Variants in IL12RB1 observed in about 807,000 individuals in gnomAD.
IL12RB1 encodes interleukin-12 receptor subunit beta-1.
A neutral mutation model predicts 94.4 loss-of-function variants in IL12RB1; 64 were observed. The observed-to-expected ratio is 0.68, with a 90% CI of 0.55 to 0.83. IL12RB1 has a LOEUF of 0.83. Among genes scored for constraint, IL12RB1 ranks in the 40% least tolerant of loss-of-function variants. The pLI is 0.00. For synonymous variants in IL12RB1, 362 were observed against 355.5 expected, an observed-to-expected ratio of 1.02 and a Z score of -0.21; for missense variants, 814 against 855.6, an observed-to-expected ratio of 0.95 and a Z score of 0.61.
intron 14 of IL12RB1, among the ~76,000 whole-genome samples, chr19:18,061,782 G>C (rs1029057836): frequency 5.9e-5 from 9 of 151,916 alleles, no homozygotes; most frequent in African/African-American, 1.9e-4. Flanking sequence ...AGAATGGCTT[G>C]AACCCGGGAG....
intron 10 of IL12RB1, 108 bp from the exon 11 acceptor site, chr19:18,068,634 T>G: frequency 1.1e-6 from 1 of 879,562 alleles, no homozygotes; most frequent in South Asian, 1.4e-5. Context: ...CTCCTACTCA[T>G]GTTTCAAAGC....
At chr19:18,087,478 G>T (rs906861776), upstream of IL12RB1, among the ~76,000 whole-genome samples, 2 of 151,990 alleles carry the variant, frequency 1.3e-5, no homozygotes, top group African/African-American at 4.8e-5. Context: ...CCAAAGTGCT[G>T]GGATGACAGG....
intron 1 of IL12RB1, among the ~76,000 whole-genome samples, chr19:18,084,099 T>TCATC (rs2036134190): frequency 7.3e-6 from 1 of 136,254 alleles, no homozygotes; most frequent in South Asian, 2.5e-4. Context: ...ATCCATGTAT[T>TCATC]CATCCATCCA....
intron 9 of IL12RB1, chr19:18,071,141 G>A (rs2035005722): frequency 3.2e-6 from 1 of 315,616 alleles, no homozygotes; most frequent in African/African-American, 2.3e-5. Flanking sequence ...GGGAGGCCAA[G>A]GCAGGTGGAT....
At chr19:18,091,872 T>C (rs868760571), upstream of IL12RB1, among the ~76,000 whole-genome samples, 67 of 149,002 alleles carry the variant, frequency 4.5e-4, no homozygotes, top group African/African-American at 1.4e-3. Context: ...GCTTTTCTTT[T>C]TTTTTTTTTT....
chr19:18,079,364 G>A (rs1020712312), intron 4 of IL12RB1, among the ~76,000 whole-genome samples: 1 of 151,896 alleles, frequency 6.6e-6, no homozygotes, highest in Non-Finnish European at 1.5e-5. Flanking sequence ...TCGGCCTCTC[G>A]AAGTGCTAGG....
chr19:18,098,706 TAAG>T (rs781257805), intron 1 of IL12RB1: 3 of 456,666 alleles, frequency 6.6e-6, no homozygotes, highest in Admixed American at 2.3e-5. Context: ...ACCACACCCT[TAAG>T]AAGCCACCAA....
At position 18,059,590 on chromosome 19, in the gene IL12RB1, C is replaced by A. The variant is rs749311505; in HGVS notation, c.*18G>T. 2.3e-5 allele frequency: 18 copies of A among 780,218 alleles called. No individual in the cohort carries two copies. Among genetic ancestry groups the A allele is most frequent in the South Asian group, 1.7e-4 (13 of 74,500 alleles). 48.3% of individuals were successfully genotyped at this position (780,218 alleles called of 1,614,324 possible). A position where few individuals can be genotyped will look rare whatever the true frequency, so the allele number is the denominator to read the frequency against. On this transcript the variant is annotated 3_prime_UTR_variant, in exon 17 of 17. Coordinates refer to ENST00000593993, the MANE Select transcript of IL12RB1 (RefSeq NM_005535.3). ...CGTAGCCTCGGGCGAGTCACTCACCCTCTCTGAGCCTCAACGATCACATCT... is the reference window on the plus strand; with the variant it reads ...CGTAGCCTCGGGCGAGTCACTCACCATCTCTGAGCCTCAACGATCACATCT...
intron 10 of IL12RB1, 94 bp downstream of exon 10, chr19:18,069,451 AC>A: frequency 5.0e-6 from 6 of 1,202,976 alleles, no homozygotes; most frequent in Non-Finnish European, 6.9e-6. Flanking sequence ...GGCCTTAGAC[AC>A]CCGCTGTGTG....
chr19:18,083,407 C>T lies in IL12RB1; in HGVS notation c.124+25G>A, dbSNP rs745687936. Reference sequence around the variant, plus strand: ...AGGCAGAGCCCTACATAATCCTCAGCCAACAATGAGGAACTGCCCCGAACC... The same window carrying T: ...AGGCAGAGCCCTACATAATCCTCAGTCAACAATGAGGAACTGCCCCGAACC... On this transcript the variant is annotated intron_variant, in intron 2 of 16. Transcript: ENST00000593993. 7 of 1,609,884 alleles carry T rather than the reference C, an allele frequency of 4.3e-6. No homozygotes were observed. In the South Asian group the frequency reaches 6.6e-5, roughly 15 times the overall value.
intron 1 of IL12RB1, among the ~76,000 whole-genome samples, chr19:18,084,270 C>T (rs987257547): frequency 5.6e-5 from 8 of 142,234 alleles, no homozygotes; most frequent in East Asian, 2.2e-4. Flanking sequence ...CATCCATCCA[C>T]CCCCCATCCA....
chr19:18,085,230 G>T (rs888553856), intron 1 of IL12RB1, among the ~76,000 whole-genome samples: 2 of 152,204 alleles, frequency 1.3e-5, no homozygotes, highest in South Asian at 4.1e-4. Flanking sequence ...GGGAGAAGGC[G>T]GCACCCCAGG....
At chr19:18,080,334 G>A (rs916901141) in intron 4 of IL12RB1, among the ~76,000 whole-genome samples, 2 of 152,084 alleles carry the variant, frequency 1.3e-5, no homozygotes, top group African/African-American at 4.8e-5. Flanking sequence ...CACCTCCCGG[G>A]TTCAAGCGAT....
rs1269956902 is a variant in IL12RB1 at position 18,059,002 on chromosome 19, C to G, written c.*606G>C. 6.5e-6 allele frequency: 1 copy of G among 154,146 alleles called. No homozygotes were observed. The highest frequency in any genetic ancestry group is 2.5e-5 in the African/African-American group (1 of 40,790). The allele number at this position is 154,146 out of a possible 1,614,324, so 9.5% of individuals were successfully genotyped here. On this transcript the variant is annotated 3_prime_UTR_variant, in exon 17 of 17. Coordinates refer to ENST00000593993, the MANE Select transcript of IL12RB1 (RefSeq NM_005535.3). Reference sequence around the variant, plus strand: ...AATGAATGAATGAATGAATGAATTCCAAGGCTCGTGTTTTGAGATTTTGAG... The same window carrying G: ...AATGAATGAATGAATGAATGAATTCGAAGGCTCGTGTTTTGAGATTTTGAG...
At chr19:18,082,024 A>C in intron 3 of IL12RB1, 126 bp downstream of exon 3, 1 of 708,742 alleles carries the variant, frequency 1.4e-6, no homozygotes, top group South Asian at 1.5e-5. Context: ...TTAGATGAGA[A>C]ACTGAAGCCC....
In IL12RB1 at chr19:18,083,504, T is replaced by C; in HGVS notation, c.65-13A>G. 2 of 1,613,192 alleles carry C rather than the reference T, an allele frequency of 1.2e-6. No individual in the cohort carries two copies. Among genetic ancestry groups the C allele is most frequent in the South Asian group, 1.1e-5 (1 of 91,040 alleles). Reference sequence around the variant, plus strand: ...GTTCTGCAGGCAGCTGCAAAGGCAATGAAGACATAATGACATTCCTGGCCT... The same window carrying C: ...GTTCTGCAGGCAGCTGCAAAGGCAACGAAGACATAATGACATTCCTGGCCT... On this transcript the variant is annotated splice_polypyrimidine_tract_variant and intron_variant, in intron 1 of 16. Coordinates refer to ENST00000593993, the MANE Select transcript of IL12RB1 (RefSeq NM_005535.3).
At chr19:18,064,973 T>A (rs1255541095) in intron 12 of IL12RB1, among the ~76,000 whole-genome samples, 2 of 152,196 alleles carry the variant, frequency 1.3e-5, no homozygotes, top group Non-Finnish European at 2.9e-5. Context: ...TCCACGGCAA[T>A]GATCCCACAA....
chr19:18,070,528 T>C (rs1277510971), intron 9 of IL12RB1: 37 of 985,328 alleles, frequency 3.8e-5, no homozygotes, highest in Non-Finnish European at 4.2e-5. Flanking sequence ...GGCGTCTTCA[T>C]GAATGTCAGA....
intron 9 of IL12RB1, chr19:18,071,108 C>T (rs1312702703): frequency 1.1e-5 from 3 of 275,510 alleles, no homozygotes; most frequent in Non-Finnish European, 2.1e-5. Context: ...CATGGTGGCT[C>T]ACGCCTATAA....
Sources: allele counts gnomAD v4.1 joint callset (sites outside exome capture counted in the v4.1 genomes callset), GRCh38; gene constraint gnomAD v4.1.1; transcripts MANE v1.5; gene names NCBI Gene and HGNC (gene_info 2026-07-23, HGNC 2026-07-21).